Variants in TUSC3 observed in about 807,000 individuals in gnomAD.
The protein encoded by TUSC3 is tumor suppressor candidate 3, also known as dolichyl-diphosphooligosaccharide--protein glycosyltransferase subunit TUSC3.
Under a neutral mutation model 44.8 loss-of-function variants are expected in TUSC3, and 45 were observed. The ratio of observed to expected loss-of-function variants is 1.00; its 90% CI spans 0.79 to 1.29. The LOEUF (loss-of-function observed/expected upper bound fraction) is 1.29, where lower values mean the gene tolerates loss of function less well. TUSC3 is among the 50% of genes most tolerant of loss of function. TUSC3 has a pLI of 0.00. For missense variants in TUSC3, 519 were observed against 437.9 expected, an observed-to-expected ratio of 1.19 and a Z score of -1.65; for synonymous variants, 212 against 152.9, an observed-to-expected ratio of 1.39 and a Z score of -2.85.
chr8:15,810,145 G>A, the TUSC3 span, among the ~76,000 whole-genome samples: 1 of 152,112 alleles, frequency 6.6e-6, no homozygotes, highest in African/African-American at 2.4e-5. Context: ...AGACTTGGGG[G>A]AAACGTAAAT....
At chr8:15,672,314 A>C (rs1213460969) in intron 5 of TUSC3, among the ~76,000 whole-genome samples, 1 of 152,078 alleles carries the variant, frequency 6.6e-6, no homozygotes, top group Non-Finnish European at 1.5e-5. Context: ...GTTTAGAAAG[A>C]TTGATACCAA....
intron 2 of TUSC3, among the ~76,000 whole-genome samples, chr8:15,642,847 G>A (rs1806440267): frequency 6.6e-6 from 1 of 152,142 alleles, no homozygotes; most frequent in Non-Finnish European, 1.5e-5. Context: ...GCAGTGGCCT[G>A]TATGTCTTAC....
At chr8:15,442,731 A>G (rs531577832) in intron 1 of TUSC3, among the ~76,000 whole-genome samples, 3 of 152,256 alleles carry the variant, frequency 2.0e-5, no homozygotes, top group Middle Eastern at 3.4e-3. Flanking sequence ...TGATGAAAGA[A>G]TATAGGAGGA....
chr8:15,523,294 G>A (rs1563273484), intron 2 of TUSC3, among the ~76,000 whole-genome samples: 2 of 152,084 alleles, frequency 1.3e-5, no homozygotes, highest in Non-Finnish European at 2.9e-5. Context: ...GAAAGGCAGG[G>A]GAGTGAGGGT....
chr8:15,761,028 G>C (rs1006907312), intron 10 of TUSC3, among the ~76,000 whole-genome samples: 1 of 152,116 alleles, frequency 6.6e-6, no homozygotes, highest in African/African-American at 2.4e-5. Context: ...ATGACTTTCA[G>C]TCATTTCATT....
chr8:15,596,541 C>G lies in TUSC3; in HGVS notation c.139-26539C>G, dbSNP rs1804075031. Among the ~76,000 whole-genome samples the G allele has an allele frequency of 2.6e-5, 4 of 152,182 alleles. No individual in the cohort carries two copies. The East Asian group carries it at 7.7e-4, about 29-fold the overall frequency. On this transcript the variant is annotated intron_variant, in intron 1 of 10. Transcript: ENST00000503731. ...GTGTGGGGTGTCCTAGAACCAATAC[C>G]CTGTGCATACTGAGGAATGACTATA...
intron 2 of TUSC3, among the ~76,000 whole-genome samples, chr8:15,509,172 T>C (rs1801099235): frequency 1.3e-5 from 2 of 152,346 alleles, no homozygotes; most frequent in Admixed American, 6.5e-5. Context: ...ATCCACATTG[T>C]TTTCCAACAA....
intron 3 of TUSC3, among the ~76,000 whole-genome samples, chr8:15,652,244 G>C (rs1806945771): frequency 1.3e-5 from 2 of 152,158 alleles, no homozygotes; most frequent in Admixed American, 1.3e-4. Context: ...CCAGGTCATG[G>C]AAAAGCATGC....
At chr8:15,522,026 T>G (rs1283688380) in intron 2 of TUSC3, among the ~76,000 whole-genome samples, 1 of 152,186 alleles carries the variant, frequency 6.6e-6, no homozygotes, top group Non-Finnish European at 1.5e-5. Flanking sequence ...GTTACAATAT[T>G]CCAACCTCCC....
the TUSC3 span, among the ~76,000 whole-genome samples, chr8:15,832,551 A>G: frequency 2.6e-5 from 4 of 152,198 alleles, no homozygotes; most frequent in Non-Finnish European, 5.9e-5. Flanking sequence ...CTCACATGCA[A>G]TGACACCAAC....
intron 5 of TUSC3, among the ~76,000 whole-genome samples, chr8:15,667,524 A>G (rs1330890091): frequency 6.6e-6 from 1 of 151,740 alleles, no homozygotes; most frequent in East Asian, 1.9e-4. Flanking sequence ...TTATATTTTA[A>G]AAACATGGAA....
At chr8:15,802,515 G>A in the TUSC3 span, among the ~76,000 whole-genome samples, 5 of 151,980 alleles carry the variant, frequency 3.3e-5, no homozygotes, top group Admixed American at 1.3e-4. Flanking sequence ...TCTGCCTCCC[G>A]GGTTCAAGTG....
chr8:15,812,998 G>A, the TUSC3 span, among the ~76,000 whole-genome samples: 1 of 152,056 alleles, frequency 6.6e-6, no homozygotes, highest in Admixed American at 6.5e-5. Flanking sequence ...GGAGGCTGAG[G>A]CACAAGAATC....
intron 1 of TUSC3, among the ~76,000 whole-genome samples, chr8:15,562,329 C>T (rs897540161): frequency 3.3e-5 from 5 of 151,938 alleles, no homozygotes; most frequent in Admixed American, 6.6e-5. Context: ...CTAATAAAAC[C>T]GCTTCGCAAT....
chr8:15,434,830 C>T (rs1004791277), intron 1 of TUSC3, among the ~76,000 whole-genome samples: 7 of 152,034 alleles, frequency 4.6e-5, no homozygotes, highest in African/African-American at 1.5e-4. Flanking sequence ...ATAATGGTTT[C>T]CAACTTCATC....
chr8:15,681,377 A>G (rs1468966917), intron 6 of TUSC3, among the ~76,000 whole-genome samples: 2 of 151,824 alleles, frequency 1.3e-5, no homozygotes, highest in Admixed American at 6.6e-5. Flanking sequence ...TCAGGGTTTC[A>G]GTTTCTTCCT....
At chr8:15,773,584 A>C in the TUSC3 span, among the ~76,000 whole-genome samples, 2 of 152,284 alleles carry the variant, frequency 1.3e-5, no homozygotes, top group East Asian at 1.9e-4. Flanking sequence ...AAAAATAAGA[A>C]AGCTGATTCA....
rs149583249 is a variant in TUSC3, at chr8:15,445,396, T to C, written n.91+28091T>C. On this transcript the variant is annotated intron_variant and non_coding_transcript_variant, in intron 1 of 5. Coordinates refer to the TUSC3 transcript ENST00000503191. ...ATTTGGCAGGGTCATAGGACAATAG[T>C]GGTGGGAAGGTTAGCAGATAAACAT... Among the ~76,000 whole-genome samples the C allele has an allele frequency of 2.8e-3, 423 of 151,880 alleles. 4 individuals carry two copies. In the East Asian group the frequency reaches 0.047, roughly 17 times the overall value.
intron 2 of TUSC3, among the ~76,000 whole-genome samples, chr8:15,646,367 C>A (rs1806630899): frequency 6.6e-6 from 1 of 151,924 alleles, no homozygotes; most frequent in African/African-American, 2.4e-5. Context: ...TTCCCATTAT[C>A]TTCATTATGT....
Sources: allele counts gnomAD v4.1 joint callset (sites outside exome capture counted in the v4.1 genomes callset), GRCh38; gene constraint gnomAD v4.1.1; transcripts MANE v1.5; gene names NCBI Gene and HGNC (gene_info 2026-07-23, HGNC 2026-07-21).